The following WLS variants were observed in gnomAD, a reference collection of about 807,000 sequenced individuals.
WLS encodes Wnt ligand secretion mediator, also known as protein wntless homolog.
Under a neutral mutation model 62.8 loss-of-function variants are expected in WLS, and 23 were observed. That is an observed-to-expected ratio of 0.37 (90% confidence interval 0.26 to 0.52). The LOEUF (loss-of-function observed/expected upper bound fraction) is 0.52, where lower values mean the gene tolerates loss of function less well. WLS is among the 20% of genes least tolerant of loss of function. The pLI, the probability that WLS is intolerant of heterozygous loss-of-function variation, is 0.92. For synonymous variants in WLS, 246 were observed against 244.1 expected (o/e 1.01, Z -0.07); for missense variants, 615 against 697.3 (o/e 0.88, Z 1.33).
chr1:68,164,098 A>T (rs1335030833), intron 2 of WLS, among the ~76,000 whole-genome samples: 2 of 152,182 alleles, frequency 1.3e-5, no homozygotes, highest in Non-Finnish European at 2.9e-5. Flanking sequence ...CCACTATTCT[A>T]TTATTCCTAT....
chr1:68,141,414 T>G (rs1320302261), intron 10 of WLS: 1 of 152,176 alleles, frequency 6.6e-6, no homozygotes, highest in Non-Finnish European at 1.5e-5. Flanking sequence ...GAACGCCTCT[T>G]TCTTTTCCAG....
intron 2 of WLS, among the ~76,000 whole-genome samples, chr1:68,175,507 T>C (rs533023709): frequency 6.6e-6 from 1 of 152,350 alleles, no homozygotes; most frequent in South Asian, 2.1e-4. Flanking sequence ...TTACATAATG[T>C]ATTATTTCAT....
Position 68,231,543 on chromosome 1 carries a change from C to T in WLS, c.106+651G>A, listed in dbSNP as rs567725386. ...CGCGGCGCTGGTCAAGGACTCCCTC[C>T]CACCCCACCCCATCCCACCCAACCT... is the stretch of plus-strand genomic sequence containing the variant. On this transcript the variant is annotated intron_variant, in intron 1 of 11. Coordinates refer to ENST00000262348, the MANE Select transcript of WLS (RefSeq NM_024911.7). The T allele has an allele frequency of 1.9e-4, 59 of 310,688 alleles. No homozygotes were observed. In the Middle Eastern group the frequency reaches 3.5e-3, roughly 18 times the overall value. The allele number at this position is 310,688 out of a possible 1,614,324, so 19.2% of individuals were successfully genotyped here.
chr1:68,162,502 A>C, intron 2 of WLS: 1 of 1,613,728 alleles, frequency 6.2e-7, no homozygotes. Flanking sequence ...CTTGGCTCGA[A>C]CTGCAACCGC....
intron 1 of WLS, among the ~76,000 whole-genome samples, chr1:68,213,649 T>C (rs17556612): frequency 0.013 from 1,934 of 152,162 alleles, 31 homozygotes; most frequent in Non-Finnish European, 0.018. Context: ...TTCAGATGGC[T>C]GTCCCATACT....
At chr1:68,127,522 A>G (rs536071564) in intron 11 of WLS, among the ~76,000 whole-genome samples, 1 of 152,112 alleles carries the variant, frequency 6.6e-6, no homozygotes, top group Non-Finnish European at 1.5e-5. Context: ...AGACAAGTGA[A>G]TGTATAAACA....
chr1:68,163,259 G>A (rs1226188946), intron 2 of WLS, among the ~76,000 whole-genome samples: 5 of 152,196 alleles, frequency 3.3e-5, no homozygotes, highest in African/African-American at 9.7e-5. Context: ...TGGGCTGTCC[G>A]TCTTTTTAAG....
chr1:68,128,557 AG>A (rs1646469306), intron 11 of WLS, among the ~76,000 whole-genome samples: 1 of 152,232 alleles, frequency 6.6e-6, no homozygotes, highest in African/African-American at 2.4e-5. Context: ...GATGCTAGAG[AG>A]TAATTCTACT....
intron 1 of WLS, among the ~76,000 whole-genome samples, chr1:68,225,726 G>A (rs1650115043): frequency 6.6e-6 from 1 of 152,136 alleles, no homozygotes; most frequent in Non-Finnish European, 1.5e-5. Context: ...TCAGCTTTCA[G>A]TAAGAGGCTC....
At chr1:68,114,380 T>C (rs1203198704) in intron 11 of WLS, among the ~76,000 whole-genome samples, 1 of 152,208 alleles carries the variant, frequency 6.6e-6, no homozygotes, top group African/African-American at 2.4e-5. Context: ...TCCTTATTTG[T>C]CATTTCATGG....
chr1:68,176,603 C>T (rs1371418722), intron 2 of WLS, among the ~76,000 whole-genome samples: 2 of 152,344 alleles, frequency 1.3e-5, no homozygotes, highest in African/African-American at 4.8e-5. Context: ...AACTCACCTA[C>T]CAGGCCCTCT....
intron 11 of WLS, among the ~76,000 whole-genome samples, chr1:68,102,332 T>C (rs1233399430): frequency 6.6e-6 from 1 of 152,168 alleles, no homozygotes; most frequent in East Asian, 1.9e-4. Context: ...CGGGCTCTCT[T>C]GTTTAGGCTG....
chr1:68,163,745 A>T (rs1013895960), intron 2 of WLS, among the ~76,000 whole-genome samples: 7 of 152,190 alleles, frequency 4.6e-5, no homozygotes, highest in African/African-American at 1.7e-4. Flanking sequence ...AGCCTTGAAG[A>T]AGTCTCAGTA....
intron 2 of WLS, among the ~76,000 whole-genome samples, chr1:68,176,942 C>T (rs936433348): frequency 6.6e-6 from 1 of 152,168 alleles, no homozygotes; most frequent in Non-Finnish European, 1.5e-5. Flanking sequence ...GCTGAGTTAC[C>T]TTCATCCAAA....
At chr1:68,172,313 A>AG (rs2100544157) in intron 2 of WLS, among the ~76,000 whole-genome samples, 1 of 135,200 alleles carries the variant, frequency 7.4e-6, no homozygotes, top group African/African-American at 2.7e-5. Flanking sequence ...AGTATAATTA[A>AG]AAAAAAAAAA....
intron 2 of WLS, chr1:68,186,586 C>T: frequency 2.2e-6 from 1 of 455,802 alleles, no homozygotes; most frequent in South Asian, 1.5e-5. Flanking sequence ...AGCAGGAAGC[C>T]ATCATGTGTA....
intron 2 of WLS, among the ~76,000 whole-genome samples, chr1:68,164,016 A>G (rs1647025119): frequency 6.6e-6 from 1 of 152,160 alleles, no homozygotes; most frequent in African/African-American, 2.4e-5. Flanking sequence ...TCGGAAAAGG[A>G]AGAGATGATC....
intron 1 of WLS, among the ~76,000 whole-genome samples, chr1:68,213,305 G>A (rs1649590599): frequency 6.6e-6 from 1 of 152,002 alleles, no homozygotes; most frequent in Admixed American, 6.6e-5. Flanking sequence ...ACAAAAATTA[G>A]CCAGGCATGG....
downstream of WLS, among the ~76,000 whole-genome samples, chr1:68,120,603 A>G (rs1307949038): frequency 2.0e-5 from 3 of 152,178 alleles, no homozygotes; most frequent in African/African-American, 7.2e-5. Flanking sequence ...GTGAAGTAAG[A>G]TCTCTACTCC....
Sources: allele counts gnomAD v4.1 joint callset (sites outside exome capture counted in the v4.1 genomes callset), GRCh38; gene constraint gnomAD v4.1.1; transcripts MANE v1.5; gene names NCBI Gene and HGNC (gene_info 2026-07-23, HGNC 2026-07-21).